Variants in HMCN1 observed in about 807,000 individuals in gnomAD.
The protein encoded by HMCN1 is hemicentin-1.
Under a neutral mutation model 625.9 loss-of-function variants are expected in HMCN1, and 321 were observed. The ratio of observed to expected loss-of-function variants is 0.51; its 90% confidence interval spans 0.47 to 0.56. HMCN1 has a LOEUF of 0.56. Among genes scored for constraint, HMCN1 ranks in the 20% least tolerant of loss-of-function variants. The pLI, the probability that HMCN1 is intolerant of heterozygous loss-of-function variation, is 0.00. For missense variants in HMCN1, 6,588 were observed against 6,887.3 expected (o/e 0.96, Z 1.54); for synonymous variants, 2,425 against 2,417.6 (o/e 1.00, Z -0.09).
chr1:185,911,273 C>T (rs1666405450), intron 5 of HMCN1, among the ~76,000 whole-genome samples: 1 of 152,148 alleles, frequency 6.6e-6, no homozygotes, highest in Admixed American at 6.6e-5. Flanking sequence ...ATAGTAATTA[C>T]TATCTAGGCT....
chr1:185,994,837 A>G lies in HMCN1; in HGVS notation c.3528A>G (p.Gly1176=). 1 of 1,613,650 alleles carries G rather than the reference A, an allele frequency of 6.2e-7. No homozygotes were observed. Among genetic ancestry groups the G allele is most frequent in the Non-Finnish European group, 8.5e-7 (1 of 1,179,642 alleles). ...TAGTTCCTCCAAAGATACAGCGTGG[A>G]CCTAAACATCTCAAAGTCCAAGTTG... The part of the protein sequence containing the change: ...NVHVPPKIQR[G]PKHLKVQVGQ... The change falls in exon 24 of 107, where the codon GGA becomes GGG. Residue 1176 remains glycine (G), a synonymous_variant. Coordinates refer to ENST00000271588, the MANE Select transcript of HMCN1 (RefSeq NM_031935.3).
At chr1:186,132,486 C>T (rs1661994422) in intron 86 of HMCN1, 77 bp downstream of exon 86, 1 of 1,176,036 alleles carries the variant, frequency 8.5e-7, no homozygotes, top group South Asian at 1.3e-5. Context: ...TTTTCTTTAA[C>T]TCTATAGCAA....
At chr1:186,170,549 A>G (rs1397355553) in intron 100 of HMCN1, among the ~76,000 whole-genome samples, 1 of 152,196 alleles carries the variant, frequency 6.6e-6, no homozygotes. Flanking sequence ...AACCAACCCA[A>G]ATGCCCATCA....
intron 29 of HMCN1, 62 bp from the exon 30 acceptor site, chr1:186,007,066 G>A: frequency 7.6e-7 from 1 of 1,307,582 alleles, no homozygotes; most frequent in East Asian, 2.3e-5. Context: ...TTTTTGTTGT[G>A]ATAAATAAGA....
chr1:186,089,381 CTTATAG>C (rs1441771924), intron 63 of HMCN1, among the ~76,000 whole-genome samples: 5 of 152,062 alleles, frequency 3.3e-5, no homozygotes, highest in African/African-American at 4.8e-5. Context: ...TTCTTCCAAT[CTTATAG>C]TTATTAGGGA....
intron 105 of HMCN1, among the ~76,000 whole-genome samples, chr1:186,185,833 C>T (rs777333079): frequency 2.6e-5 from 4 of 152,142 alleles, no homozygotes; most frequent in African/African-American, 4.8e-5. Flanking sequence ...TGCATTTGAC[C>T]GTCAGGACCC....
Position 186,057,332 on chromosome 1 carries a change from C to G in HMCN1, c.7243C>G (p.Leu2415Val). Residue 2415 changes from leucine to valine, a missense_variant, in exon 46 of 107, where the codon CTG (leucine) becomes GTG (valine). Leu to Val is a conservative substitution (Grantham distance 32). Around this residue, in one of 3 missense-constraint regions of HMCN1, gnomAD observed 4,628 missense variants for 4,853.1 expected, o/e 0.95. Coordinates refer to ENST00000271588, the MANE Select transcript of HMCN1 (RefSeq NM_031935.3). The part of the protein sequence containing the change: ...SLTCEASGIP[L>V]PSITWFKDGW... ...GACTTGTGAAGCTTCTGGAATTCCC[C>G]TGCCTTCCATAACCTGGTTCAAAGA... is the stretch of plus-strand genomic sequence containing the variant. 1 of 1,609,570 alleles carries G rather than the reference C, an allele frequency of 6.2e-7. No individual in the cohort carries two copies. Among genetic ancestry groups the G allele is most frequent in the South Asian group, 1.1e-5 (1 of 91,016 alleles).
At chr1:185,839,537 A>C (rs1431982833) in intron 1 of HMCN1, among the ~76,000 whole-genome samples, 1 of 152,170 alleles carries the variant, frequency 6.6e-6, no homozygotes, top group East Asian at 1.9e-4. Context: ...TACATTTAGG[A>C]TTACATGTAA....
chr1:185,984,433 C>G, intron 19 of HMCN1, 120 bp downstream of exon 19: 1 of 1,022,252 alleles, frequency 9.8e-7, no homozygotes, highest in Non-Finnish European at 1.5e-6. Context: ...ATTGTTATTT[C>G]CTATTTCTTG....
intron 1 of HMCN1, among the ~76,000 whole-genome samples, chr1:185,821,217 A>G (rs1314964005): frequency 3.9e-5 from 6 of 152,108 alleles, no homozygotes; most frequent in Non-Finnish European, 5.9e-5. Context: ...CCTCTCTGTA[A>G]AGACCACCAG....
At chr1:185,906,594 G>A (rs1365693196) in intron 4 of HMCN1, among the ~76,000 whole-genome samples, 1 of 151,672 alleles carries the variant, frequency 6.6e-6, no homozygotes, top group Admixed American at 6.6e-5. Context: ...TCTCTGCATT[G>A]GGTTTGAAGG....
chr1:185,987,620 CAGGAG>C, intron 20 of HMCN1, 76 bp downstream of exon 20: 1 of 950,060 alleles, frequency 1.1e-6, no homozygotes, highest in Non-Finnish European at 1.7e-6. Flanking sequence ...TAGTCTTGAG[CAGGAG>C]GCTCAGGAGT....
At chr1:185,961,716 T>A (rs1650037880) in intron 11 of HMCN1, among the ~76,000 whole-genome samples, 1 of 152,236 alleles carries the variant, frequency 6.6e-6, no homozygotes, top group South Asian at 2.1e-4. Context: ...GAGAATTGTT[T>A]TCTTTTTGAT....
chr1:186,156,216 T>G (rs1342200597), intron 97 of HMCN1, among the ~76,000 whole-genome samples: 1 of 152,122 alleles, frequency 6.6e-6, no homozygotes, highest in Non-Finnish European at 1.5e-5. Context: ...ACAGATACAT[T>G]TTTTACAACT....
At chr1:186,116,704 C>A (rs1558235647) in intron 75 of HMCN1, among the ~76,000 whole-genome samples, 1 of 152,054 alleles carries the variant, frequency 6.6e-6, no homozygotes, top group Non-Finnish European at 1.5e-5. Flanking sequence ...CTAGGAGAGC[C>A]AGGTTGATCA....
chr1:186,169,456 A>G (rs919429953), intron 100 of HMCN1, among the ~76,000 whole-genome samples: 1 of 152,248 alleles, frequency 6.6e-6, no homozygotes, highest in African/African-American at 2.4e-5. Flanking sequence ...ACAAGGCTAC[A>G]GTAACAAACA....
At chr1:186,171,244 A>G (rs1652212850) in intron 100 of HMCN1, 93 bp from the exon 101 acceptor site, 4 of 906,300 alleles carry the variant, frequency 4.4e-6, no homozygotes, top group Admixed American at 1.8e-5. Context: ...GATCTTAAAC[A>G]TGGTAATGAT....
chr1:186,140,086 T>A (rs1649858734), intron 89 of HMCN1, among the ~76,000 whole-genome samples: 1 of 152,212 alleles, frequency 6.6e-6, no homozygotes, highest in Non-Finnish European at 1.5e-5. Context: ...ACATTCTCTT[T>A]CATGAACATA....
At chr1:186,068,887 A>T (rs1026079955) in intron 50 of HMCN1, among the ~76,000 whole-genome samples, 1 of 151,706 alleles carries the variant, frequency 6.6e-6, no homozygotes, top group African/African-American at 2.4e-5. Flanking sequence ...AAAAAAAAAA[A>T]AAAAGACTTC....
Sources: allele counts gnomAD v4.1 joint callset (sites outside exome capture counted in the v4.1 genomes callset), GRCh38; gene constraint gnomAD v4.1.1; regional missense constraint gnomAD v4.1.1; transcripts MANE v1.5; gene names NCBI Gene and HGNC (gene_info 2026-07-23, HGNC 2026-07-21).